The following HSH2D variants were observed in gnomAD, a reference collection of about 807,000 sequenced individuals.
The protein encoded by HSH2D is hematopoietic SH2 domain containing, also known as hematopoietic SH2 domain-containing protein.
In HSH2D, 16 loss-of-function variants were observed where a neutral mutation model predicts 21.5. The observed-to-expected ratio is 0.74, with a 90% CI of 0.50 to 1.13. The LOEUF (loss-of-function observed/expected upper bound fraction) is 1.13. Ranked by LOEUF, HSH2D falls within the 50% of genes most tolerant of loss-of-function variation. The probability of loss-of-function intolerance (pLI) is 0.00; values close to 1 mark genes in which losing one functional copy is unlikely to be tolerated. For missense variants in HSH2D, 418 were observed against 441.4 expected, an observed-to-expected ratio of 0.95 and a Z score of 0.47; for synonymous variants, 172 against 184.7, an observed-to-expected ratio of 0.93 and a Z score of 0.56.
intron 5 of HSH2D, among the ~76,000 whole-genome samples, chr19:16,156,581 G>A (rs981884766): frequency 3.3e-5 from 5 of 152,264 alleles, no homozygotes; most frequent in South Asian, 2.1e-4. Flanking sequence ...ACCCAGGCAC[G>A]CTCATTGGTT....
chr19:16,134,845 G>A (rs2090949996), intron 1 of HSH2D, among the ~76,000 whole-genome samples: 1 of 152,050 alleles, frequency 6.6e-6, no homozygotes, highest in Non-Finnish European at 1.5e-5. Context: ...CCAGGGGCTG[G>A]GGTGTGTGGC....
intron 5 of HSH2D, 60 bp downstream of exon 5, chr19:16,154,551 G>T: frequency 1.9e-6 from 2 of 1,037,110 alleles, no homozygotes; most frequent in East Asian, 5.3e-5. Context: ...AGTGGAGGTG[G>T]TCAACAGCTT....
chr19:16,147,938 C>T (rs1241550402), intron 1 of HSH2D, among the ~76,000 whole-genome samples: 2 of 151,598 alleles, frequency 1.3e-5, no homozygotes, highest in Non-Finnish European at 2.9e-5. Context: ...AGCCACCACG[C>T]CCAGCCACAC....
Position 16,153,212 on chromosome 19 carries a change from AG to A in HSH2D, c.381+7del, listed in dbSNP as rs1456611323. On this transcript the variant is annotated splice_donor_5th_base_variant and intron_variant, in intron 4 of 5. Coordinates refer to ENST00000613986, the MANE Select transcript of HSH2D (RefSeq NM_001382417.1). ...GCTGACACAGCCCTGCAGGCAGGTG[AG>A]GGCGGGGACCCACAAGGTTCACAGC... is the stretch of plus-strand genomic sequence containing the variant. 2.6e-6 allele frequency: 4 copies of A among 1,524,344 alleles called. No homozygotes were observed. The highest frequency in any genetic ancestry group is 4.7e-4 in the Middle Eastern group (2 of 4,240). 94.4% of individuals were successfully genotyped at this position (1,524,344 alleles called of 1,614,324 possible). A position where few individuals can be genotyped will look rare whatever the true frequency, so the allele number is the denominator to read the frequency against.
At chr19:16,139,732 T>A (rs1344149329), upstream of HSH2D, 3 of 152,272 alleles carry the variant, frequency 2.0e-5, no homozygotes, top group Non-Finnish European at 4.4e-5. Context: ...ATGGCCCACT[T>A]ACCAGCTGCG....
At chr19:16,150,223 A>G (rs1212511992) in intron 2 of HSH2D, among the ~76,000 whole-genome samples, 1 of 151,574 alleles carries the variant, frequency 6.6e-6, no homozygotes, top group East Asian at 2.0e-4. Context: ...TGGCCTGGAC[A>G]ACATAGTGAG....
chr19:16,148,673 A>G, intron 1 of HSH2D, 51 bp from the exon 2 acceptor site: 1 of 1,559,396 alleles, frequency 6.4e-7, no homozygotes, highest in Non-Finnish European at 8.8e-7. Context: ...TAGAGCAAAG[A>G]TAAGAGGTGC....
In HSH2D at chr19:16,148,816, G is replaced by A; in HGVS notation, c.66G>A (p.Gln22=). The change falls in exon 2 of 6, where the codon CAG becomes CAA. Residue 22 remains glutamine (Q), a synonymous_variant. Transcript: ENST00000613986. Reference sequence around the variant, plus strand: ...GGCTGGACTGGTTTGTGCACACCCAGATGGGCCAGCTGGCCCAAGACGGGG... The same window carrying A: ...GGCTGGACTGGTTTGTGCACACCCAAATGGGCCAGCTGGCCCAAGACGGGG... The part of the protein sequence containing the change: ...PPRLDWFVHT[Q]MGQLAQDGVP... 4.3e-6 allele frequency: 7 copies of A among 1,613,802 alleles called. No individual in the cohort carries two copies. The highest frequency in any genetic ancestry group is 5.1e-6 in the Non-Finnish European group (6 of 1,179,818).
intron 1 of HSH2D, among the ~76,000 whole-genome samples, chr19:16,147,214 A>G (rs563141530): frequency 1.1e-3 from 166 of 152,008 alleles, no homozygotes; most frequent in African/African-American, 3.9e-3. Context: ...GCTGGGCACA[A>G]TGGCTCACAC....
At chr19:16,150,564 C>T (rs1158147958) in intron 2 of HSH2D, among the ~76,000 whole-genome samples, 7 of 150,834 alleles carry the variant, frequency 4.6e-5, no homozygotes, top group African/African-American at 1.2e-4. Flanking sequence ...TAACTGGGCA[C>T]GGTGGCACGT....
In HSH2D at chr19:16,152,592, T is replaced by C; in HGVS notation, c.166T>C (p.Phe56Leu). 4.0e-6 allele frequency: 6 copies of C among 1,512,064 alleles called. No individual in the cohort carries two copies. The highest frequency in any genetic ancestry group is 5.3e-6 in the Non-Finnish European group (6 of 1,132,594). The allele number at this position is 1,512,064 out of a possible 1,614,324, so 93.7% of individuals were successfully genotyped here. ...GCTGGAGTCACAGCCACTGGGATCC[T>C]TTCTCATCAGGGTCAGTCACAGCCA... ...NLLESQPLGS[F>L]LIRVSHSHVG... is the part of the protein sequence containing the mutation. Residue 56 changes from phenylalanine to leucine, a missense_variant, in exon 3 of 6, where the codon TTT becomes CTT. By Grantham distance (22) the Phe-to-Leu change is conservative. Transcript: ENST00000613986.
At chr19:16,139,634 C>G (rs1452329324), upstream of HSH2D, 1 of 152,240 alleles carries the variant, frequency 6.6e-6, no homozygotes, top group Non-Finnish European at 1.5e-5. Context: ...CTTCCCCACT[C>G]CCTGACATGT....
chr19:16,156,508 T>G (rs2091239443), intron 5 of HSH2D, among the ~76,000 whole-genome samples: 1 of 152,158 alleles, frequency 6.6e-6, no homozygotes, highest in Non-Finnish European at 1.5e-5. Flanking sequence ...AGATAGTATT[T>G]TGTAACCTGT....
At chr19:16,134,414 G>A (rs561074549) in intron 1 of HSH2D, among the ~76,000 whole-genome samples, 2 of 152,268 alleles carry the variant, frequency 1.3e-5, no homozygotes, top group Non-Finnish European at 2.9e-5. Context: ...CACGCATGTA[G>A]GGAAGTTTTA....
At chr19:16,153,010 T>G in intron 3 of HSH2D, 33 bp from the exon 4 acceptor site, 1 of 1,594,422 alleles carries the variant, frequency 6.3e-7, no homozygotes, top group Non-Finnish European at 8.5e-7. Flanking sequence ...TGAGGGGGAG[T>G]AGGATGTCCC....
At chr19:16,150,539 CA>C (rs879410378) in intron 2 of HSH2D, among the ~76,000 whole-genome samples, 91 of 137,836 alleles carry the variant, frequency 6.6e-4, no homozygotes, top group Non-Finnish European at 7.1e-4. Context: ...AACTCCGTCT[CA>C]AAAAAAAAAA....
chr19:16,136,134 C>G (rs889361655), intron 1 of HSH2D, among the ~76,000 whole-genome samples: 1 of 152,198 alleles, frequency 6.6e-6, no homozygotes, highest in African/African-American at 2.4e-5. Context: ...TCTCTGTCAT[C>G]TCTATCCTTG....
At chr19:16,151,602 C>A (rs921883385) in intron 2 of HSH2D, 18 of 455,540 alleles carry the variant, frequency 4.0e-5, no homozygotes, top group Non-Finnish European at 7.5e-5. Context: ...ACTTGTGACA[C>A]CTTGATCCAC....
At chr19:16,135,484 C>T (rs1230823463) in intron 1 of HSH2D, among the ~76,000 whole-genome samples, 1 of 152,036 alleles carries the variant, frequency 6.6e-6, no homozygotes, top group Non-Finnish European at 1.5e-5. Flanking sequence ...ATACAACTTA[C>T]GCCCCTCACC....
Sources: gnomAD v4.1 joint callset for allele counts (sites outside exome capture counted in the v4.1 genomes callset) on GRCh38, gnomAD v4.1.1 for gene constraint, MANE v1.5 for transcripts, NCBI Gene and HGNC (gene_info 2026-07-23, HGNC 2026-07-21) for gene names.